ABCA9: variants seen among roughly 807,000 people sequenced by gnomAD.
ABCA9 encodes the protein ATP-binding cassette sub-family A member 9.
Under a neutral mutation model 205.3 loss-of-function variants are expected in ABCA9, and 183 were observed. That is an observed-to-expected ratio of 0.89 (90% CI 0.79 to 1.01). The LOEUF (loss-of-function observed/expected upper bound fraction) is 1.01, where lower values mean the gene tolerates loss of function less well. Ranked by LOEUF, ABCA9 falls within the 50% of genes least tolerant of loss-of-function variation. The pLI, the probability that ABCA9 is intolerant of heterozygous loss-of-function variation, is 0.00. For missense variants in ABCA9, 1,805 were observed against 1,912.4 expected (o/e 0.94, Z 1.05); for synonymous variants, 651 against 683.3 (o/e 0.95, Z 0.74).
At chr17:69,028,508 C>T (rs1256153304) in intron 12 of ABCA9, 27 bp downstream of exon 12, 1 of 1,474,298 alleles carries the variant, frequency 6.8e-7, no homozygotes, top group Non-Finnish European at 9.4e-7. Flanking sequence ...TGTCCAGGTA[C>T]TTGTCCTTGG....
At chr17:69,070,436 T>C in the ABCA9 span, among the ~76,000 whole-genome samples, 2 of 151,962 alleles carry the variant, frequency 1.3e-5, no homozygotes, top group South Asian at 2.1e-4. Flanking sequence ...GTGCAGCCCA[T>C]TGAGGGGGAG....
intron 2 of ABCA9, among the ~76,000 whole-genome samples, chr17:69,050,375 C>T (rs2071865061): frequency 1.4e-5 from 2 of 143,186 alleles, no homozygotes; most frequent in African/African-American, 2.5e-5. Context: ...CACACACACA[C>T]GTTCATAAGA....
chr17:69,056,567 T>C (rs1015550382), intron 1 of ABCA9, among the ~76,000 whole-genome samples: 5 of 152,170 alleles, frequency 3.3e-5, no homozygotes, highest in Admixed American at 1.3e-4. Flanking sequence ...AGTGAATGGG[T>C]TCACTGGGAA....
intron 34 of ABCA9, among the ~76,000 whole-genome samples, chr17:68,984,410 G>T (rs776003575): frequency 1.9e-4 from 29 of 152,128 alleles, no homozygotes; most frequent in Non-Finnish European, 3.7e-4. Context: ...ACTAAGTTCA[G>T]AAATATTTAT....
At chr17:69,036,515 G>A (rs992359430) in intron 6 of ABCA9, among the ~76,000 whole-genome samples, 2 of 151,952 alleles carry the variant, frequency 1.3e-5, no homozygotes, top group Admixed American at 1.3e-4. Flanking sequence ...TGCCTTTCAA[G>A]AGCTCCTAAA....
At chr17:69,075,490 T>C in the ABCA9 span, among the ~76,000 whole-genome samples, 19 of 152,314 alleles carry the variant, frequency 1.2e-4, no homozygotes, top group African/African-American at 4.3e-4. Context: ...GGACCATTTA[T>C]TAAATACGGA....
chr17:69,009,102 C>T (rs1052504955), intron 23 of ABCA9, among the ~76,000 whole-genome samples: 14 of 151,984 alleles, frequency 9.2e-5, no homozygotes, highest in African/African-American at 3.1e-4. Context: ...GAATGTATAC[C>T]GTATGGCTGG....
intron 25 of ABCA9, 89 bp from the exon 26 acceptor site, chr17:68,996,103 C>T (rs1337717403): frequency 3.4e-5 from 47 of 1,402,616 alleles, no homozygotes; most frequent in Non-Finnish European, 4.0e-5. Flanking sequence ...CATTTATAAA[C>T]GTTGTTATTT....
At chr17:69,041,807 A>G (rs1039839964) in intron 6 of ABCA9, among the ~76,000 whole-genome samples, 1 of 152,144 alleles carries the variant, frequency 6.6e-6, no homozygotes, top group Non-Finnish European at 1.5e-5. Flanking sequence ...TTTGATACAG[A>G]AAAGGACATC....
chr17:69,053,914 GA>G (rs1319603004), intron 1 of ABCA9, among the ~76,000 whole-genome samples: 1 of 151,782 alleles, frequency 6.6e-6, no homozygotes, highest in Non-Finnish European at 1.5e-5. Context: ...CAAAGATAAA[GA>G]AAAAAATCTT....
At chr17:69,046,718 C>T (rs732011) in intron 3 of ABCA9, among the ~76,000 whole-genome samples, 130,355 of 150,890 alleles carry the variant, frequency 0.86, 57,435 homozygotes, top group East Asian at 1. Flanking sequence ...ATCACACACT[C>T]AAGACAAGAA....
At chr17:69,024,964 T>C (rs2070933043) in intron 16 of ABCA9, among the ~76,000 whole-genome samples, 2 of 152,114 alleles carry the variant, frequency 1.3e-5, no homozygotes, top group South Asian at 4.1e-4. Context: ...TGAAAGGTGC[T>C]GAGGTGACAG....
chr17:69,021,631 A>G, intron 18 of ABCA9, 111 bp downstream of exon 18: 1 of 683,728 alleles, frequency 1.5e-6, no homozygotes, highest in South Asian at 2.2e-5. Context: ...TCATTTGGGC[A>G]TATTTTCAAG....
At chr17:68,985,151 A>C (rs201848433) in intron 32 of ABCA9, 23 bp from the exon 33 acceptor site, 866 of 1,614,172 alleles carry the variant, frequency 5.4e-4, no homozygotes, top group Non-Finnish European at 6.9e-4. Context: ...GAGTCAATCC[A>C]CATAATCCCA....
At chr17:69,069,668 C>T in the ABCA9 span, among the ~76,000 whole-genome samples, 3 of 151,426 alleles carry the variant, frequency 2.0e-5, no homozygotes, top group Non-Finnish European at 2.9e-5. Flanking sequence ...TCTACGACAG[C>T]GTTGAAATAG....
Position 68,986,149 on chromosome 17 carries a change from C to G in ABCA9, c.4208+15G>C. On this transcript the variant is annotated intron_variant, in intron 32 of 38. Coordinates refer to ENST00000340001, the MANE Select transcript of ABCA9 (RefSeq NM_080283.4). ...TCCCCTCCAGCAAAGGGGAGTGCCC[C>G]CCAGTCCCAGGTACCGTGTGATGGC... 6.3e-7 allele frequency: 1 copy of G among 1,589,820 alleles called. No individual in the cohort carries two copies. Among genetic ancestry groups the G allele is most frequent in the South Asian group, 1.1e-5 (1 of 87,298 alleles).
chr17:69,039,067 CACAA>C (rs2071444028), intron 6 of ABCA9, among the ~76,000 whole-genome samples: 1 of 152,024 alleles, frequency 6.6e-6, no homozygotes, highest in African/African-American at 2.4e-5. Flanking sequence ...TAAAAGAGGA[CACAA>C]ACAAATGGAA....
chr17:69,077,713 T>G, the ABCA9 span, among the ~76,000 whole-genome samples: 1 of 152,188 alleles, frequency 6.6e-6, no homozygotes, highest in Non-Finnish European at 1.5e-5. Context: ...ATATTTAGGA[T>G]AGTTAACTCC....
Position 68,990,766 on chromosome 17 carries a change from AAACTT to A in ABCA9, c.3837+66_3837+70del. The stretch of plus-strand genomic sequence containing the variant: ...GAACCCCAAGTGTTTTTCGAAAACT[AAACTT>A]AGAAAGTTTCTCACTTTATCTGTCA... On this transcript the variant is annotated intron_variant, in intron 29 of 38. Transcript: ENST00000340001. 2.5e-6 allele frequency: 4 copies of A among 1,578,794 alleles called. No homozygotes were observed. In the South Asian group the frequency reaches 4.7e-5, roughly 18 times the overall value.
Sources: gnomAD v4.1 joint callset for allele counts (sites outside exome capture counted in the v4.1 genomes callset) on GRCh38, gnomAD v4.1.1 for gene constraint, MANE v1.5 for transcripts, NCBI Gene and HGNC (gene_info 2026-07-23, HGNC 2026-07-21) for gene names.